Variants in ADAMTS6 observed in about 807,000 individuals in gnomAD.
ADAMTS6 encodes ADAM metallopeptidase with thrombospondin type 1 motif 6.
ADAMTS6 carries 23 observed loss-of-function variants against 144.3 expected under a neutral mutation model. The observed-to-expected ratio is 0.16, with a 90% confidence interval of 0.11 to 0.23. ADAMTS6 has a LOEUF of 0.23. Ranked by LOEUF, ADAMTS6 falls within the 10% of genes least tolerant of loss-of-function variation. The probability of loss-of-function intolerance (pLI) is 1.00; values close to 1 mark genes in which losing one functional copy is unlikely to be tolerated. For synonymous variants in ADAMTS6, 444 were observed against 457.5 expected (o/e 0.97, Z 0.38); for missense variants, 999 against 1,379.6 (o/e 0.72, Z 4.37).
intron 14 of ADAMTS6, among the ~76,000 whole-genome samples, chr5:65,255,267 T>A (rs951023321): frequency 8.5e-5 from 13 of 152,194 alleles, no homozygotes; most frequent in Non-Finnish European, 1.5e-4. Context: ...AATTTTTTTT[T>A]AATTTTAATT....
intron 3 of ADAMTS6, among the ~76,000 whole-genome samples, chr5:65,470,465 T>C (rs577259395): frequency 7.2e-4 from 110 of 152,234 alleles, no homozygotes; most frequent in Non-Finnish European, 9.0e-4. Context: ...TCTTCAAAAA[T>C]GACTGAGTTT....
chr5:65,206,032 T>C (rs1236966310), intron 20 of ADAMTS6, among the ~76,000 whole-genome samples: 4 of 152,178 alleles, frequency 2.6e-5, no homozygotes, highest in African/African-American at 9.7e-5. Flanking sequence ...TATGCATTTA[T>C]TTTCTCTTCT....
chr5:65,334,828 T>G (rs1262561988), intron 7 of ADAMTS6, among the ~76,000 whole-genome samples: 1 of 152,168 alleles, frequency 6.6e-6, no homozygotes, highest in African/African-American at 2.4e-5. Context: ...AATATTGATA[T>G]AAACATTTAT....
rs143206160 is a variant in ADAMTS6, at chr5:65,419,626, A to G, written c.1073+31849T>C. On this transcript the variant is annotated intron_variant, in intron 7 of 24. Transcript: ENST00000381055. ...ATCAATGAATAAAATAAAATGTGGT[A>G]TATCCATACAATGGGATATTATTCA... Among the ~76,000 whole-genome samples, 1,041 of 152,358 alleles carry G rather than the reference A, an allele frequency of 6.8e-3. 6 individuals carry two copies. Among genetic ancestry groups the G allele is most frequent in the African/African-American group, 0.022 (922 of 41,582 alleles).
intron 22 of ADAMTS6, among the ~76,000 whole-genome samples, chr5:65,179,588 G>T (rs1035441445): frequency 6.6e-6 from 1 of 152,120 alleles, no homozygotes; most frequent in Non-Finnish European, 1.5e-5. Flanking sequence ...AAGTACATTT[G>T]TCATGAATTA....
chr5:65,212,186 G>C (rs948297685), intron 20 of ADAMTS6, among the ~76,000 whole-genome samples: 3 of 152,102 alleles, frequency 2.0e-5, no homozygotes, highest in Admixed American at 6.5e-5. Context: ...TGCTGCTGGC[G>C]GGACCAGACT....
intron 9 of ADAMTS6, among the ~76,000 whole-genome samples, chr5:65,307,989 A>T (rs1417925834): frequency 5.3e-5 from 8 of 152,176 alleles, no homozygotes; most frequent in African/African-American, 1.9e-4. Flanking sequence ...GACTTCCATG[A>T]TGTTGACAAT....
intron 15 of ADAMTS6, among the ~76,000 whole-genome samples, chr5:65,240,713 T>G (rs1759103079): frequency 6.6e-6 from 1 of 152,126 alleles, no homozygotes; most frequent in Non-Finnish European, 1.5e-5. Context: ...TGCTGACACT[T>G]TGATCTTGGA....
At chr5:65,267,889 A>G (rs1479868577) in intron 12 of ADAMTS6, among the ~76,000 whole-genome samples, 2 of 152,206 alleles carry the variant, frequency 1.3e-5, no homozygotes, top group Non-Finnish European at 2.9e-5. Context: ...GCACAGCACT[A>G]TTAAAAGCCT....
intron 6 of ADAMTS6, among the ~76,000 whole-genome samples, chr5:65,451,847 T>C (rs1004665843): frequency 6.6e-6 from 1 of 152,150 alleles, no homozygotes; most frequent in Non-Finnish European, 1.5e-5. Flanking sequence ...ATATGTGAGA[T>C]TATCAACACA....
At chr5:65,260,410 G>A (rs1761073945) in intron 14 of ADAMTS6, among the ~76,000 whole-genome samples, 190 bp downstream of exon 14, 1 of 152,036 alleles carries the variant, frequency 6.6e-6, no homozygotes, top group Non-Finnish European at 1.5e-5. Flanking sequence ...CAGTACTGGA[G>A]CTCCCCCTTG....
At chr5:65,307,035 T>C (rs1744001326) in intron 9 of ADAMTS6, among the ~76,000 whole-genome samples, 1 of 152,236 alleles carries the variant, frequency 6.6e-6, no homozygotes, top group Non-Finnish European at 1.5e-5. Context: ...GTTGAACTGG[T>C]TAATTACACA....
chr5:65,181,309 C>A (rs1754335336), intron 22 of ADAMTS6, among the ~76,000 whole-genome samples: 1 of 152,206 alleles, frequency 6.6e-6, no homozygotes, highest in Non-Finnish European at 1.5e-5. Flanking sequence ...ATCTCTTGAA[C>A]TTGTTCCACT....
Position 65,164,053 on chromosome 5 carries a change from C to A in ADAMTS6, c.3244+6564G>T, listed in dbSNP as rs1192886055. Among the ~76,000 whole-genome samples, 2 of 152,244 alleles carry A rather than the reference C, an allele frequency of 1.3e-5. 1 individual carries two copies. The highest frequency in any genetic ancestry group is 3.9e-4 in the East Asian group (2 of 5,170). ...CCAAGATGGCCGAATAGGAACAGCT[C>A]TGGTCAACAGCTCCCAGCGTGAGCG... On this transcript the variant is annotated intron_variant, in intron 24 of 24. Transcript: ENST00000381055.
At position 65,470,692 on chromosome 5, in the gene ADAMTS6, ATTTT is replaced by A. The variant is rs869036346; in HGVS notation, c.462+82_462+85del. 441 of 993,884 alleles carry A rather than the reference ATTTT, an allele frequency of 4.4e-4. 1 individual carries two copies. The highest frequency in any genetic ancestry group is 8.2e-4 in the African/African-American group (46 of 56,052). 61.6% of individuals were successfully genotyped at this position (993,884 alleles called of 1,614,324 possible). On this transcript the variant is annotated intron_variant, in intron 3 of 24. Coordinates refer to ENST00000381055, the MANE Select transcript of ADAMTS6 (RefSeq NM_197941.4). ...ACTTAAACTACCTATATATATATAT[ATTTT>A]TTTTTTAATCTGAGGAAAGACATTT...
At chr5:65,431,094 A>T (rs2150215957) in intron 7 of ADAMTS6, among the ~76,000 whole-genome samples, 1 of 152,326 alleles carries the variant, frequency 6.6e-6, no homozygotes, top group Admixed American at 6.5e-5. Context: ...GAATGAATAA[A>T]TGCAGTTTCA....
intron 14 of ADAMTS6, among the ~76,000 whole-genome samples, chr5:65,258,805 G>C (rs1011287727): frequency 1.3e-5 from 2 of 152,196 alleles, no homozygotes; most frequent in Admixed American, 6.5e-5. Context: ...AGAACGAGTA[G>C]AGAAAATGTT....
At chr5:65,213,081 ATTTC>A (rs1047397295) in intron 20 of ADAMTS6, among the ~76,000 whole-genome samples, 2 of 152,328 alleles carry the variant, frequency 1.3e-5, no homozygotes, top group African/African-American at 4.8e-5. Context: ...AGTTGCAAAT[ATTTC>A]TTTATTTAAA....
rs189096996 is a variant in ADAMTS6, at chr5:65,205,767, G to A, written c.2576-8616C>T. ...TTAGCTGTCAGGAAAGAAGTTGCTAGCAATTTCTCCTTTAAATATATAGTT... is the reference window on the plus strand; with the variant it reads ...TTAGCTGTCAGGAAAGAAGTTGCTAACAATTTCTCCTTTAAATATATAGTT... On this transcript the variant is annotated intron_variant, in intron 20 of 24. Transcript: ENST00000381055. Among the ~76,000 whole-genome samples, 530 of 152,274 alleles carry A rather than the reference G, an allele frequency of 3.5e-3. 1 individual carries two copies. Among genetic ancestry groups the A allele is most frequent in the Non-Finnish European group, 5.5e-3 (374 of 67,996 alleles).
Sources: allele counts gnomAD v4.1 joint callset (sites outside exome capture counted in the v4.1 genomes callset), GRCh38; gene constraint gnomAD v4.1.1; transcripts MANE v1.5; gene names NCBI Gene and HGNC (gene_info 2026-07-23, HGNC 2026-07-21).